Variants in TMEM232 observed in about 807,000 individuals in gnomAD.
The protein encoded by TMEM232 is transmembrane protein 232.
A neutral mutation model predicts 78.8 loss-of-function variants in TMEM232; 80 were observed. That is an observed-to-expected ratio of 1.01 (90% CI 0.85 to 1.22). The LOEUF (loss-of-function observed/expected upper bound fraction) is 1.22, where lower values mean the gene tolerates loss of function less well. Ranked by LOEUF, TMEM232 falls within the 50% of genes most tolerant of loss-of-function variation. The pLI is 0.00. For synonymous variants in TMEM232, 297 were observed against 254.3 expected, an observed-to-expected ratio of 1.17 and a Z score of -1.60; for missense variants, 881 against 742.2, an observed-to-expected ratio of 1.19 and a Z score of -2.17.
intron 11 of TMEM232, among the ~76,000 whole-genome samples, chr5:110,533,429 C>CCTTT (rs1407153883): frequency 6.6e-6 from 1 of 152,138 alleles, no homozygotes; most frequent in African/African-American, 2.4e-5. Flanking sequence ...CACCCTGTAG[C>CCTTT]CTGTCCAAAC....
rs372392020 is a variant in TMEM232 at position 110,625,257 on chromosome 5, G to A, written c.768+10C>T. On this transcript the variant is annotated intron_variant, in intron 7 of 13. Coordinates refer to ENST00000455884, the MANE Select transcript of TMEM232 (RefSeq NM_001039763.4). ...GCAACAGGATATACCCACCATACCA[G>A]ATTACTCACCATATCAGAATCTGTG... 14 of 1,516,180 alleles carry A rather than the reference G, an allele frequency of 9.2e-6. No homozygotes were observed. The highest frequency in any genetic ancestry group is 1.7e-4 in the Middle Eastern group (1 of 5,834). 93.9% of individuals were successfully genotyped at this position (1,516,180 alleles called of 1,614,324 possible). A position where few individuals can be genotyped will look rare whatever the true frequency, so the allele number is the denominator to read the frequency against.
rs747569453 is a variant in TMEM232 at position 110,640,925 on chromosome 5, T to C, written c.309A>G (p.Ile103Met). 6 of 1,541,362 alleles carry C rather than the reference T, an allele frequency of 3.9e-6. No individual in the cohort carries two copies. In the African/African-American group the frequency reaches 5.5e-5, roughly 14 times the overall value. ...TTTCCCCTTTGCATTGAGCCAGATA[T>C]ATTACTTCAGTCCATGCAGCAGGAA... ...VHLPAAWTEV[I>M]YLAQCKGEIQ... Residue 103 changes from isoleucine (I) to methionine (M), a missense_variant, in exon 4 of 14, where the codon ATA becomes ATG. Coordinates refer to ENST00000455884, the MANE Select transcript of TMEM232 (RefSeq NM_001039763.4).
In TMEM232 at chr5:110,419,600, A is replaced by C. The variant is rs1169696297; in HGVS notation, c.*980T>G. 6.6e-6 allele frequency among the ~76,000 whole-genome samples: 1 copy of C among 152,086 alleles called. No individual in the cohort carries two copies. Among genetic ancestry groups the C allele is most frequent in the African/African-American group, 2.4e-5 (1 of 41,442 alleles). ...TGACATACATTTTGGAATGTAACCGAGTGATGGGAAATTTCTCTATATGGG... is the reference window on the plus strand; with the variant it reads ...TGACATACATTTTGGAATGTAACCGCGTGATGGGAAATTTCTCTATATGGG... On this transcript the variant is annotated 3_prime_UTR_variant, in exon 14 of 14. Transcript: ENST00000455884.
chr5:110,428,591 A>G (rs1441199927), intron 12 of TMEM232, among the ~76,000 whole-genome samples: 1 of 151,376 alleles, frequency 6.6e-6, no homozygotes, highest in Non-Finnish European at 1.5e-5. Context: ...ATACTTTCTA[A>G]TGTGCTCCAG....
In TMEM232 at chr5:110,464,391, A is replaced by G. The variant is rs370195333; in HGVS notation, c.1704-39475T>C. ...GACACTGGGGAAGGCAGAACAAGGG[A>G]AAAAGCTTCAAATCTGGAATTGCCA... On this transcript the variant is annotated intron_variant, in intron 12 of 13. Coordinates refer to ENST00000455884, the MANE Select transcript of TMEM232 (RefSeq NM_001039763.4). Among the ~76,000 whole-genome samples, 470 of 152,318 alleles carry G rather than the reference A, an allele frequency of 3.1e-3. 3 individuals carry two copies. The highest frequency in any genetic ancestry group is 0.011 in the African/African-American group (455 of 41,582).
intron 11 of TMEM232, among the ~76,000 whole-genome samples, chr5:110,556,225 T>C (rs544082642): frequency 1.4e-4 from 22 of 152,138 alleles, no homozygotes; most frequent in Non-Finnish European, 2.8e-4. Context: ...TGATTTTATT[T>C]CTCCTTCACT....
intron 10 of TMEM232, among the ~76,000 whole-genome samples, chr5:110,578,747 ACT>A (rs147321368): frequency 0.018 from 2,739 of 151,780 alleles, 40 homozygotes; most frequent in South Asian, 0.049. Flanking sequence ...AAAACACTGG[ACT>A]CTCTTTTCTA....
chr5:110,485,716 T>C (rs1025609524), intron 12 of TMEM232, among the ~76,000 whole-genome samples: 3 of 152,180 alleles, frequency 2.0e-5, no homozygotes, highest in South Asian at 2.1e-4. Flanking sequence ...TGTTGATTGA[T>C]GGGCACTTGG....
At chr5:110,623,966 A>C (rs1319936037) in intron 7 of TMEM232, among the ~76,000 whole-genome samples, 1 of 152,166 alleles carries the variant, frequency 6.6e-6, no homozygotes, top group Non-Finnish European at 1.5e-5. Flanking sequence ...TGCCCCTTCT[A>C]ATTCAGGCTG....
At chr5:110,533,424 T>C (rs1771850791) in intron 11 of TMEM232, among the ~76,000 whole-genome samples, 1 of 152,210 alleles carries the variant, frequency 6.6e-6, no homozygotes, top group African/African-American at 2.4e-5. Context: ...GACCGCACCC[T>C]GTAGCCTGTC....
chr5:110,479,827 C>A (rs2149393062), intron 12 of TMEM232, among the ~76,000 whole-genome samples: 1 of 151,842 alleles, frequency 6.6e-6, no homozygotes, highest in South Asian at 2.1e-4. Flanking sequence ...TTGATGTATC[C>A]CCAAATCCAG....
At chr5:110,478,583 T>G (rs1443613719) in intron 12 of TMEM232, among the ~76,000 whole-genome samples, 2 of 152,030 alleles carry the variant, frequency 1.3e-5, no homozygotes, top group East Asian at 3.9e-4. Flanking sequence ...CAGGGTAAAT[T>G]ATACAAAATA....
chr5:110,638,390 G>C, intron 4 of TMEM232, 35 bp from the exon 5 acceptor site: 1 of 1,492,630 alleles, frequency 6.7e-7, no homozygotes, highest in Non-Finnish European at 9.0e-7. Flanking sequence ...TGCATCATTT[G>C]AAAATCATCC....
intron 12 of TMEM232, among the ~76,000 whole-genome samples, chr5:110,455,075 A>G (rs1481760341): frequency 6.6e-6 from 1 of 152,148 alleles, no homozygotes; most frequent in African/African-American, 2.4e-5. Flanking sequence ...TGAAAGGTAT[A>G]AACTATAAAC....
chr5:110,562,019 G>A (rs2149661357), intron 11 of TMEM232, among the ~76,000 whole-genome samples: 1 of 152,128 alleles, frequency 6.6e-6, no homozygotes, highest in South Asian at 2.1e-4. Flanking sequence ...GCAAGGTGTG[G>A]TCGTACAGAG....
At chr5:110,598,902 C>A (rs186840973) in intron 10 of TMEM232, among the ~76,000 whole-genome samples, 3,761 of 148,816 alleles carry the variant, frequency 0.025, 163 homozygotes, top group African/African-American at 0.088. Flanking sequence ...AGGAGATATA[C>A]CTAATGCTAA....
intron 1 of TMEM232, among the ~76,000 whole-genome samples, chr5:110,676,462 T>A (rs1792038337): frequency 6.6e-6 from 1 of 151,736 alleles, no homozygotes; most frequent in Non-Finnish European, 1.5e-5. Flanking sequence ...CTGGCCGCGA[T>A]CTTGGGGCTC....
chr5:110,719,739 G>A (rs925559796), intron 1 of TMEM232, among the ~76,000 whole-genome samples: 1 of 152,020 alleles, frequency 6.6e-6, no homozygotes, highest in African/African-American at 2.4e-5. Context: ...ACAGCCTTGG[G>A]CATTCACACC....
chr5:110,476,689 A>C (rs1398360806), intron 12 of TMEM232, among the ~76,000 whole-genome samples: 1 of 152,076 alleles, frequency 6.6e-6, no homozygotes, highest in Non-Finnish European at 1.5e-5. Context: ...GTAATGAACA[A>C]CCTAATGACA....
Sources: allele counts gnomAD v4.1 joint callset (sites outside exome capture counted in the v4.1 genomes callset), GRCh38; gene constraint gnomAD v4.1.1; transcripts MANE v1.5; gene names NCBI Gene and HGNC (gene_info 2026-07-23, HGNC 2026-07-21).